Variants in GRM7 observed in about 807,000 individuals in gnomAD.
GRM7 encodes the protein glutamate metabotropic receptor 7.
Under a neutral mutation model 84.5 loss-of-function variants are expected in GRM7, and 35 were observed. That is an observed-to-expected ratio of 0.41 (90% CI 0.32 to 0.55). GRM7 has a LOEUF of 0.55. Among genes scored for constraint, GRM7 ranks in the 20% least tolerant of loss-of-function variants. GRM7 has a pLI of 0.19. For missense variants in GRM7, 1,003 were observed against 1,194.6 expected (o/e 0.84, Z 2.36); for synonymous variants, 487 against 455.1 (o/e 1.07, Z -0.89).
At chr3:7,738,545 C>T (rs1702579633) in intron 9 of GRM7, among the ~76,000 whole-genome samples, 1 of 152,144 alleles carries the variant, frequency 6.6e-6, no homozygotes, top group Non-Finnish European at 1.5e-5. Flanking sequence ...ATCATATTTT[C>T]TAACCTACTT....
In GRM7 at chr3:7,005,346, T is replaced by C. The variant is rs73812015; in HGVS notation, c.520-141106T>C. ...TCTATCCCCAGCTACCTGGGATTCA[T>C]ATTTTTTGTCAAATCTATAACTCAT... is the stretch of plus-strand genomic sequence containing the variant. On this transcript the variant is annotated intron_variant, in intron 1 of 9. Transcript: ENST00000357716. Among the ~76,000 whole-genome samples, 869 of 152,326 alleles carry C rather than the reference T, an allele frequency of 5.7e-3. 5 individuals carry two copies. Among genetic ancestry groups the C allele is most frequent in the African/African-American group, 0.019 (800 of 41,574 alleles).
At chr3:7,478,873 C>G (rs1402596087) in intron 7 of GRM7, among the ~76,000 whole-genome samples, 1 of 152,154 alleles carries the variant, frequency 6.6e-6, no homozygotes, top group African/African-American at 2.4e-5. Context: ...TTTACTGACT[C>G]CATAAAACCT....
At chr3:7,467,578 C>T (rs17718867) in intron 7 of GRM7, among the ~76,000 whole-genome samples, 23,986 of 151,872 alleles carry the variant, frequency 0.16, 2,240 homozygotes, top group South Asian at 0.34. Context: ...TTCTTGGAGG[C>T]GGTTGCTTCC....
At chr3:7,090,866 C>T (rs1206886478) in intron 1 of GRM7, among the ~76,000 whole-genome samples, 3 of 152,100 alleles carry the variant, frequency 2.0e-5, no homozygotes, top group Non-Finnish European at 2.9e-5. Flanking sequence ...ATGAATTTAG[C>T]TTCTTAATAA....
intron 2 of GRM7, among the ~76,000 whole-genome samples, chr3:7,296,147 C>T (rs902944548): frequency 1.3e-5 from 2 of 151,764 alleles, no homozygotes; most frequent in African/African-American, 4.8e-5. Flanking sequence ...TATTAAGGTG[C>T]TCATGGTTTT....
At chr3:7,162,217 C>T (rs1465805072) in intron 2 of GRM7, among the ~76,000 whole-genome samples, 2 of 151,978 alleles carry the variant, frequency 1.3e-5, no homozygotes, top group East Asian at 3.9e-4. Flanking sequence ...ACAATAGAGA[C>T]CTAAATTTGA....
At chr3:6,900,999 A>G (rs1179016693) in intron 1 of GRM7, among the ~76,000 whole-genome samples, 1 of 152,170 alleles carries the variant, frequency 6.6e-6, no homozygotes, top group East Asian at 1.9e-4. Flanking sequence ...CCCCTCATTT[A>G]AAAAACTGGA....
intron 2 of GRM7, among the ~76,000 whole-genome samples, chr3:7,260,978 C>A (rs1359929846): frequency 6.6e-6 from 1 of 152,046 alleles, no homozygotes; most frequent in East Asian, 1.9e-4. Context: ...ATTATTTGCC[C>A]AAAAGTCATT....
chr3:7,075,532 G>GTGTGTGTGTGTT (rs1698040144), intron 1 of GRM7, among the ~76,000 whole-genome samples: 58 of 147,832 alleles, frequency 3.9e-4, no homozygotes, highest in East Asian at 8.1e-4. Flanking sequence ...GTGTGTGTGT[G>GTGTGTGTGTGTT]TGTGTGTGTG....
intron 1 of GRM7, among the ~76,000 whole-genome samples, chr3:7,016,454 G>A (rs531781159): frequency 6.6e-6 from 1 of 152,246 alleles, no homozygotes; most frequent in South Asian, 2.1e-4. Context: ...ATTGAGGAGG[G>A]GTGAGGAAGT....
chr3:7,663,959 T>C (rs1430646595), intron 8 of GRM7, among the ~76,000 whole-genome samples: 2 of 152,218 alleles, frequency 1.3e-5, no homozygotes, highest in East Asian at 3.9e-4. Flanking sequence ...AACTTTGGAC[T>C]CGCTTTTATG....
intron 1 of GRM7, among the ~76,000 whole-genome samples, chr3:7,107,224 C>T (rs1425699182): frequency 1.3e-5 from 2 of 152,012 alleles, no homozygotes; most frequent in African/African-American, 4.8e-5. Context: ...CAGACACGCA[C>T]GGTTTCTGTT....
rs115296594 is a variant in GRM7 at position 7,463,464 on chromosome 3, A to G, written c.1515+1742A>G. Among the ~76,000 whole-genome samples, 1,123 of 152,298 alleles carry G rather than the reference A, an allele frequency of 7.4e-3. 4 individuals are homozygous for G. The highest frequency in any genetic ancestry group is 0.012 in the Non-Finnish European group (803 of 68,026). ...TGTTTGGTTTTGGTTTTAAATACCT[A>G]TCAAGTTAGAAGCACTGCAAGAGTC... On this transcript the variant is annotated intron_variant, in intron 7 of 9. Transcript: ENST00000357716.
intron 2 of GRM7, among the ~76,000 whole-genome samples, chr3:7,257,277 A>T (rs1440297914): frequency 1.3e-5 from 2 of 152,214 alleles, no homozygotes; most frequent in African/African-American, 2.4e-5. Flanking sequence ...CATTGTCTAC[A>T]TGTTGTCCAT....
intron 1 of GRM7, among the ~76,000 whole-genome samples, chr3:7,011,827 A>G (rs980117011): frequency 6.6e-6 from 1 of 152,214 alleles, no homozygotes; most frequent in Non-Finnish European, 1.5e-5. Flanking sequence ...GTGAATTTGT[A>G]ATAGAAACAG....
chr3:7,371,947 A>C (rs1225002239), intron 4 of GRM7, among the ~76,000 whole-genome samples: 1 of 152,176 alleles, frequency 6.6e-6, no homozygotes, highest in Non-Finnish European at 1.5e-5. Flanking sequence ...AGTTGGAGAT[A>C]ATCTTAAAGC....
At chr3:7,071,487 A>G (rs1364381744) in intron 1 of GRM7, among the ~76,000 whole-genome samples, 2 of 151,636 alleles carry the variant, frequency 1.3e-5, no homozygotes, top group Non-Finnish European at 2.9e-5. Flanking sequence ...AGCTTCCTTC[A>G]TGTTTTCTCC....
chr3:7,000,246 A>T (rs2124875094), intron 1 of GRM7, among the ~76,000 whole-genome samples: 1 of 146,520 alleles, frequency 6.8e-6, no homozygotes, highest in South Asian at 2.1e-4. Context: ...ATCTTGGCTC[A>T]CTGCAACTTC....
Position 7,474,764 on chromosome 3 carries a change from T to C in GRM7, c.1515+13042T>C, listed in dbSNP as rs112335885. On this transcript the variant is annotated intron_variant, in intron 7 of 9. Transcript: ENST00000357716. ...TCATGATGTCACGTTTACAGTATTC[T>C]AGGGACATGAGTAGGGACCAATTGG... 8.5e-3 allele frequency among the ~76,000 whole-genome samples: 1,288 copies of C among 151,838 alleles called. 20 individuals are homozygous for C. The highest frequency in any genetic ancestry group is 0.03 in the African/African-American group (1,229 of 41,140).
Sources: allele counts gnomAD v4.1 joint callset (sites outside exome capture counted in the v4.1 genomes callset), GRCh38; gene constraint gnomAD v4.1.1; transcripts MANE v1.5; gene names NCBI Gene and HGNC (gene_info 2026-07-23, HGNC 2026-07-21).